The following BABAM2 variants were observed in gnomAD, a reference collection of about 807,000 sequenced individuals.
BABAM2 encodes BRISC and BRCA1-A complex member 2.
Under a neutral mutation model 54.7 loss-of-function variants are expected in BABAM2, and 31 were observed. The ratio of observed to expected loss-of-function variants is 0.57; its 90% CI spans 0.43 to 0.77. The LOEUF (loss-of-function observed/expected upper bound fraction) is 0.77, where lower values mean the gene tolerates loss of function less well. BABAM2 is among the 30% of genes least tolerant of loss of function. The probability of loss-of-function intolerance (pLI) is 0.00; values close to 1 mark genes in which losing one functional copy is unlikely to be tolerated. For synonymous variants in BABAM2, 167 were observed against 162.9 expected, an observed-to-expected ratio of 1.03 and a Z score of -0.19; for missense variants, 364 against 455.8, an observed-to-expected ratio of 0.80 and a Z score of 1.83.
intron 7 of BABAM2, among the ~76,000 whole-genome samples, chr2:28,165,110 C>CG (rs1673506201): frequency 6.6e-6 from 1 of 152,192 alleles, no homozygotes; most frequent in African/African-American, 2.4e-5. Flanking sequence ...CAAAAACAGA[C>CG]ATCGTCTTTG....
intron 6 of BABAM2, among the ~76,000 whole-genome samples, chr2:28,127,207 C>T (rs985741537): frequency 1.3e-5 from 2 of 151,940 alleles, no homozygotes; most frequent in African/African-American, 2.4e-5. Flanking sequence ...GACATGAAGT[C>T]CTTAATTTTT....
chr2:27,924,356 C>T (rs916616677), intron 2 of BABAM2, among the ~76,000 whole-genome samples: 5 of 151,958 alleles, frequency 3.3e-5, no homozygotes, highest in Non-Finnish European at 7.4e-5. Context: ...TCAAACTCCT[C>T]AAGGCAACAG....
At chr2:28,326,897 G>A (rs1690509297) in intron 11 of BABAM2, among the ~76,000 whole-genome samples, 1 of 146,110 alleles carries the variant, frequency 6.8e-6, no homozygotes, top group South Asian at 2.3e-4. Context: ...TCCTTGTAAT[G>A]TTTGACCTCG....
intron 4 of BABAM2, among the ~76,000 whole-genome samples, chr2:27,994,344 C>T (rs995233272): frequency 6.6e-6 from 1 of 152,170 alleles, no homozygotes; most frequent in Non-Finnish European, 1.5e-5. Context: ...AACATTTATA[C>T]AGAAGAGTGT....
intron 3 of BABAM2, among the ~76,000 whole-genome samples, chr2:27,938,756 G>T (rs1038142262): frequency 3.9e-5 from 6 of 152,062 alleles, no homozygotes; most frequent in African/African-American, 7.2e-5. Flanking sequence ...AGGAAAATGA[G>T]TAAGTATAGA....
At chr2:28,226,480 T>G (rs1680898548) in intron 7 of BABAM2, among the ~76,000 whole-genome samples, 1 of 152,136 alleles carries the variant, frequency 6.6e-6, no homozygotes, top group South Asian at 2.1e-4. Context: ...GTTATAAAAG[T>G]GAACAAAACA....
intron 3 of BABAM2, among the ~76,000 whole-genome samples, chr2:27,939,844 C>T (rs547992006): frequency 1.1e-4 from 17 of 152,174 alleles, no homozygotes; most frequent in South Asian, 6.2e-4. Flanking sequence ...TGAGAGAGGG[C>T]GTATTTCTAC....
At chr2:28,010,561 A>G (rs1674314525) in intron 4 of BABAM2, among the ~76,000 whole-genome samples, 1 of 152,088 alleles carries the variant, frequency 6.6e-6, no homozygotes, top group Admixed American at 6.5e-5. Flanking sequence ...AAAGAGGTAA[A>G]AGGGTGATAA....
chr2:28,224,938 C>T (rs1246896098), intron 7 of BABAM2, among the ~76,000 whole-genome samples: 1 of 151,262 alleles, frequency 6.6e-6, no homozygotes, highest in Non-Finnish European at 1.5e-5. Flanking sequence ...GTGGTTCTTT[C>T]CTTCTCCTGT....
chr2:28,260,378 T>G (rs1456214357), intron 10 of BABAM2, among the ~76,000 whole-genome samples: 1 of 147,900 alleles, frequency 6.8e-6, no homozygotes, highest in Non-Finnish European at 1.5e-5. Flanking sequence ...CTTGGTTCAC[T>G]GCAACCTCTG....
At chr2:28,321,776 A>T (rs1306224183) in intron 11 of BABAM2, among the ~76,000 whole-genome samples, 1 of 151,794 alleles carries the variant, frequency 6.6e-6, no homozygotes, top group Non-Finnish European at 1.5e-5. Context: ...TTTTAAAAAT[A>T]AACTTAGCAA....
At chr2:28,219,114 G>A (rs994006227) in intron 7 of BABAM2, among the ~76,000 whole-genome samples, 7 of 152,166 alleles carry the variant, frequency 4.6e-5, no homozygotes, top group Admixed American at 2.6e-4. Flanking sequence ...GAGCTCCTGC[G>A]GCTACAGTCA....
chr2:28,011,259 G>A lies in BABAM2; in HGVS notation c.301-13967G>A, dbSNP rs73923980. Among the ~76,000 whole-genome samples, 1,407 of 152,316 alleles carry A rather than the reference G, an allele frequency of 9.2e-3. 24 individuals carry two copies. The highest frequency in any genetic ancestry group is 0.032 in the African/African-American group (1,314 of 41,568). ...GGATAAGAGGTAGAGTTTTTAGGGA[G>A]AAGAGTAAAGACATTGAAAGCTCTT... On this transcript the variant is annotated intron_variant, in intron 4 of 11. Coordinates refer to ENST00000379624, the MANE Select transcript of BABAM2 (RefSeq NM_199191.3).
At chr2:28,264,448 C>T (rs1684805231) in intron 10 of BABAM2, among the ~76,000 whole-genome samples, 1 of 152,158 alleles carries the variant, frequency 6.6e-6, no homozygotes. Flanking sequence ...CTATGTCAGG[C>T]AAATTAAAAA....
intron 4 of BABAM2, among the ~76,000 whole-genome samples, chr2:28,006,680 A>G (rs1038872112): frequency 6.6e-6 from 1 of 152,098 alleles, no homozygotes; most frequent in Non-Finnish European, 1.5e-5. Flanking sequence ...AAGGTGAATG[A>G]TACTAAGTAT....
chr2:28,229,885 C>A (rs984694633), intron 7 of BABAM2, among the ~76,000 whole-genome samples: 1 of 152,100 alleles, frequency 6.6e-6, no homozygotes, highest in Non-Finnish European at 1.5e-5. Flanking sequence ...CTGCACCCGG[C>A]CCATATTTTT....
At chr2:28,146,508 T>C (rs1424027370) in intron 7 of BABAM2, among the ~76,000 whole-genome samples, 1 of 152,176 alleles carries the variant, frequency 6.6e-6, no homozygotes, top group African/African-American at 2.4e-5. Context: ...AAGAACTCTT[T>C]AAAATTAAGA....
chr2:28,270,818 G>A (rs1685362820), intron 10 of BABAM2, among the ~76,000 whole-genome samples: 1 of 152,232 alleles, frequency 6.6e-6, no homozygotes, highest in Admixed American at 6.5e-5. Context: ...CCCACAGGTG[G>A]TAAATGCAGA....
chr2:28,236,910 A>G (rs930435319), intron 7 of BABAM2, among the ~76,000 whole-genome samples: 1 of 152,230 alleles, frequency 6.6e-6, no homozygotes, highest in East Asian at 1.9e-4. Context: ...AATATGTTTC[A>G]GTAATACTTA....
Sources: gnomAD v4.1 joint callset for allele counts (sites outside exome capture counted in the v4.1 genomes callset) on GRCh38, gnomAD v4.1.1 for gene constraint, MANE v1.5 for transcripts, NCBI Gene and HGNC (gene_info 2026-07-23, HGNC 2026-07-21) for gene names.